LYPLAL1: variants seen among roughly 807,000 people sequenced by gnomAD.
The protein encoded by LYPLAL1 is lysophospholipase-like protein 1.
Under a neutral mutation model 19.7 loss-of-function variants are expected in LYPLAL1, and 23 were observed. The observed-to-expected ratio is 1.17, with a 90% CI of 0.84 to 1.65. The LOEUF (loss-of-function observed/expected upper bound fraction) is 1.65. LYPLAL1 is among the 40% of genes most tolerant of loss of function. LYPLAL1 has a pLI of 0.00. For missense variants in LYPLAL1, 355 were observed against 279.4 expected (o/e 1.27, Z -1.93); for synonymous variants, 119 against 96.3 (o/e 1.24, Z -1.38).
the LYPLAL1 span, among the ~76,000 whole-genome samples, chr1:219,231,985 G>C: frequency 2.0e-5 from 3 of 152,250 alleles, no homozygotes; most frequent in African/African-American, 7.2e-5. Flanking sequence ...CATGACACAT[G>C]TCTTGAGACT....
the LYPLAL1 span, among the ~76,000 whole-genome samples, chr1:219,312,521 G>T: frequency 2.0e-5 from 3 of 152,182 alleles, no homozygotes; most frequent in Non-Finnish European, 4.4e-5. Context: ...CCACGCCAGG[G>T]AGCCCTTGGG....
chr1:219,441,056 A>G, the LYPLAL1 span, among the ~76,000 whole-genome samples: 1 of 152,222 alleles, frequency 6.6e-6, no homozygotes, highest in African/African-American at 2.4e-5. Flanking sequence ...TGAAACCACA[A>G]GGATCCAATT....
chr1:219,417,424 C>T, the LYPLAL1 span, among the ~76,000 whole-genome samples: 34,401 of 151,948 alleles, frequency 0.23, 4,030 homozygotes, highest in African/African-American at 0.28. Flanking sequence ...TTGTCATGCA[C>T]GGGTAGCAAA....
chr1:219,248,002 A>G, the LYPLAL1 span, among the ~76,000 whole-genome samples: 2 of 152,178 alleles, frequency 1.3e-5, no homozygotes, highest in Non-Finnish European at 2.9e-5. Context: ...TAGTCTCTCT[A>G]TTAAGAAAAC....
the LYPLAL1 span, among the ~76,000 whole-genome samples, chr1:219,392,749 G>GGAA: frequency 5.9e-5 from 9 of 152,124 alleles, no homozygotes; most frequent in East Asian, 1.7e-3. Context: ...TATTTACCCA[G>GGAA]ATGAACTTTG....
rs372613753 is a variant in LYPLAL1, at chr1:219,173,929, C to A, written c.39C>A (p.Ile13=). Residue 13 remains isoleucine (I), a synonymous_variant, in exon 1 of 5, where the codon ATC becomes ATA. Coordinates refer to ENST00000366928, the MANE Select transcript of LYPLAL1 (RefSeq NM_138794.5). ...CGGGGTCGGTTCTGCAGCGCTGTATCGTGTCGCCGGCAGGGAGGCATAGCG... is the reference window on the plus strand; with the variant it reads ...CGGGGTCGGTTCTGCAGCGCTGTATAGTGTCGCCGGCAGGGAGGCATAGCG... ...AASGSVLQRC[I]VSPAGRHSAS... 3.7e-6 allele frequency: 6 copies of A among 1,613,872 alleles called. No individual in the cohort carries two copies. Among genetic ancestry groups the A allele is most frequent in the Non-Finnish European group, 5.1e-6 (6 of 1,179,962 alleles).
the LYPLAL1 span, among the ~76,000 whole-genome samples, chr1:219,321,233 T>A: frequency 1.3e-5 from 2 of 152,248 alleles, no homozygotes; most frequent in Non-Finnish European, 2.9e-5. Flanking sequence ...GCTGCATAAA[T>A]GTCTTCTTTT....
chr1:219,291,323 A>C, the LYPLAL1 span, among the ~76,000 whole-genome samples: 47 of 152,332 alleles, frequency 3.1e-4, no homozygotes, highest in African/African-American at 1.0e-3. Flanking sequence ...AGCTTCTATT[A>C]AATGTGGAAG....
chr1:219,250,597 T>C, the LYPLAL1 span, among the ~76,000 whole-genome samples: 1 of 129,536 alleles, frequency 7.7e-6, no homozygotes, highest in Non-Finnish European at 1.7e-5. Flanking sequence ...AGGATATTTT[T>C]CTCCGGCTTT....
chr1:219,201,061 TCCAA>T (rs1658057250), intron 3 of LYPLAL1, among the ~76,000 whole-genome samples: 1 of 152,214 alleles, frequency 6.6e-6, no homozygotes, highest in African/African-American at 2.4e-5. Flanking sequence ...AGTTGATACT[TCCAA>T]CCATCTTTAG....
At chr1:219,314,534 T>C in the LYPLAL1 span, among the ~76,000 whole-genome samples, 1 of 152,296 alleles carries the variant, frequency 6.6e-6, no homozygotes, top group East Asian at 1.9e-4. Flanking sequence ...AAGCTCCGCC[T>C]CCCGGGTTCA....
At chr1:219,399,593 G>A in the LYPLAL1 span, among the ~76,000 whole-genome samples, 1 of 152,152 alleles carries the variant, frequency 6.6e-6, no homozygotes, top group African/African-American at 2.4e-5. Context: ...GAGCAGGGGG[G>A]TTGGTGCATG....
chr1:219,254,650 G>A, the LYPLAL1 span, among the ~76,000 whole-genome samples: 13 of 152,008 alleles, frequency 8.6e-5, no homozygotes, highest in Admixed American at 8.5e-4. Context: ...GCCGTCCACT[G>A]TTAGCCTAAT....
chr1:219,194,141 T>C (rs1657417212), intron 3 of LYPLAL1, among the ~76,000 whole-genome samples: 1 of 151,968 alleles, frequency 6.6e-6, no homozygotes, highest in South Asian at 2.1e-4. Context: ...GTTTCCACTT[T>C]GTTGAAAGCA....
the LYPLAL1 span, among the ~76,000 whole-genome samples, chr1:219,295,700 T>C: frequency 6.6e-6 from 1 of 152,194 alleles, no homozygotes; most frequent in Non-Finnish European, 1.5e-5. Context: ...TTTGCCATTG[T>C]TCTGTCCCCT....
intron 3 of LYPLAL1, among the ~76,000 whole-genome samples, chr1:219,205,678 T>A (rs1047897370): frequency 1.3e-5 from 2 of 152,156 alleles, no homozygotes; most frequent in African/African-American, 4.8e-5. Flanking sequence ...ATAGTTAGAA[T>A]TCCCAAGATG....
At chr1:219,269,386 A>T in the LYPLAL1 span, among the ~76,000 whole-genome samples, 47 of 152,182 alleles carry the variant, frequency 3.1e-4, no homozygotes, top group African/African-American at 1.1e-3. Flanking sequence ...ATAGTGACTA[A>T]TTCTTTTAAA....
the LYPLAL1 span, among the ~76,000 whole-genome samples, chr1:219,243,326 A>G: frequency 6.6e-6 from 1 of 151,580 alleles, no homozygotes; most frequent in Non-Finnish European, 1.5e-5. Context: ...GCCTGTGTCT[A>G]GAAGAACACT....
the LYPLAL1 span, among the ~76,000 whole-genome samples, chr1:219,299,956 T>G: frequency 6.6e-6 from 1 of 152,148 alleles, no homozygotes; most frequent in Non-Finnish European, 1.5e-5. Context: ...CCTACCAGGG[T>G]GAGCAAACAC....
Sources: gnomAD v4.1 joint callset for allele counts (sites outside exome capture counted in the v4.1 genomes callset) on GRCh38, gnomAD v4.1.1 for gene constraint, MANE v1.5 for transcripts, NCBI Gene and HGNC (gene_info 2026-07-23, HGNC 2026-07-21) for gene names.